ZNF385D: variants seen among roughly 807,000 people sequenced by gnomAD.
ZNF385D encodes zinc finger protein 385D.
In ZNF385D, 15 loss-of-function variants were observed where a neutral mutation model predicts 35.8. The ratio of observed to expected loss-of-function variants is 0.42; its 90% CI spans 0.28 to 0.64. ZNF385D has a LOEUF of 0.64. ZNF385D is among the 30% of genes least tolerant of loss of function. The pLI is 0.23. For missense variants in ZNF385D, 474 were observed against 494.6 expected, an observed-to-expected ratio of 0.96 and a Z score of 0.39; for synonymous variants, 212 against 186.8, an observed-to-expected ratio of 1.13 and a Z score of -1.10.
chr3:21,803,591 C>T (rs75902179), intron 3 of ZNF385D, among the ~76,000 whole-genome samples: 8,507 of 152,130 alleles, frequency 0.056, 555 homozygotes, highest in East Asian at 0.3. Flanking sequence ...GACATGAAAA[C>T]TGGATGAAAT....
At chr3:21,763,548 CTATAATA>C (rs2070709091) in intron 3 of ZNF385D, among the ~76,000 whole-genome samples, 1 of 152,036 alleles carries the variant, frequency 6.6e-6, no homozygotes, top group Admixed American at 6.6e-5. Flanking sequence ...TGCTTTAGGC[CTATAATA>C]TATAACATTA....
chr3:21,835,425 C>A (rs1159301861), intron 3 of ZNF385D, among the ~76,000 whole-genome samples: 1 of 151,804 alleles, frequency 6.6e-6, no homozygotes, highest in East Asian at 1.9e-4. Flanking sequence ...CCAAAATTCT[C>A]CAGTTGGACA....
chr3:21,540,495 A>G (rs2062146925), intron 3 of ZNF385D, among the ~76,000 whole-genome samples: 1 of 152,224 alleles, frequency 6.6e-6, no homozygotes, highest in Non-Finnish European at 1.5e-5. Flanking sequence ...GGTTGGGACG[A>G]AAAAAGTTGA....
chr3:21,601,605 G>A (rs1021912879), intron 2 of ZNF385D, among the ~76,000 whole-genome samples: 1 of 152,142 alleles, frequency 6.6e-6, no homozygotes, highest in Non-Finnish European at 1.5e-5. Flanking sequence ...AATCATCTAA[G>A]GAAAGCAAAT....
chr3:22,080,356 C>A (rs1345238903), intron 3 of ZNF385D, among the ~76,000 whole-genome samples: 2 of 152,082 alleles, frequency 1.3e-5, no homozygotes, highest in Non-Finnish European at 1.5e-5. Context: ...TTTAAACTCA[C>A]ATGCTGAGAA....
chr3:22,338,716 T>G (rs75068696), intron 2 of ZNF385D, among the ~76,000 whole-genome samples: 1 of 149,992 alleles, frequency 6.7e-6, no homozygotes, highest in African/African-American at 2.5e-5. Context: ...TTTTTTTTTT[T>G]TTGAAGTGGA....
chr3:21,769,735 A>T (rs1283072509), intron 3 of ZNF385D, among the ~76,000 whole-genome samples: 3 of 131,598 alleles, frequency 2.3e-5, no homozygotes, highest in Non-Finnish European at 4.8e-5. Context: ...GGAAAAAACT[A>T]CTTTAAAGTT....
chr3:21,934,904 C>A (rs1264034223), intron 3 of ZNF385D, among the ~76,000 whole-genome samples: 3 of 152,196 alleles, frequency 2.0e-5, no homozygotes, highest in Non-Finnish European at 4.4e-5. Context: ...CTCATCTCCA[C>A]TTAAACATAG....
intron 3 of ZNF385D, among the ~76,000 whole-genome samples, chr3:22,113,346 T>C (rs189170204): frequency 1.4e-3 from 218 of 152,204 alleles, no homozygotes; most frequent in Non-Finnish European, 2.7e-3. Context: ...TTCCAGTACC[T>C]AAAAATATCA....
chr3:22,141,022 T>G (rs895047706), intron 3 of ZNF385D, among the ~76,000 whole-genome samples: 1 of 152,222 alleles, frequency 6.6e-6, no homozygotes, highest in Non-Finnish European at 1.5e-5. Flanking sequence ...CCAGGATTCA[T>G]GTCCTGAGCA....
At chr3:21,935,095 C>T (rs1701194709) in intron 3 of ZNF385D, among the ~76,000 whole-genome samples, 1 of 151,978 alleles carries the variant, frequency 6.6e-6, no homozygotes. Flanking sequence ...TAATAAGTCT[C>T]CTTTATGCAT....
chr3:21,584,365 A>T (rs1042262598), intron 2 of ZNF385D, among the ~76,000 whole-genome samples: 1 of 152,182 alleles, frequency 6.6e-6, no homozygotes, highest in East Asian at 1.9e-4. Flanking sequence ...TTTGTCTGTG[A>T]GTGACTTTAA....
chr3:21,569,282 C>T (rs1376551070), intron 2 of ZNF385D, among the ~76,000 whole-genome samples: 10 of 148,904 alleles, frequency 6.7e-5, no homozygotes, highest in Non-Finnish European at 1.5e-4. Flanking sequence ...ATAGTTAGCT[C>T]TTCTTGTTGA....
At chr3:21,488,061 A>G (rs1382168) in intron 4 of ZNF385D, among the ~76,000 whole-genome samples, 8,707 of 152,070 alleles carry the variant, frequency 0.057, 756 homozygotes, top group East Asian at 0.37. Context: ...AATTGAACTT[A>G]CATATTTACA....
At chr3:22,329,759 C>G (rs1167708365) in intron 2 of ZNF385D, among the ~76,000 whole-genome samples, 1 of 151,830 alleles carries the variant, frequency 6.6e-6, no homozygotes, top group Non-Finnish European at 1.5e-5. Flanking sequence ...GGAAGAAGTA[C>G]AAAGAAACAG....
chr3:21,582,257 G>GT (rs2063689168), intron 2 of ZNF385D, among the ~76,000 whole-genome samples: 1 of 152,094 alleles, frequency 6.6e-6, no homozygotes, highest in Non-Finnish European at 1.5e-5. Flanking sequence ...CTGAATCTGG[G>GT]TTTTTTGGTG....
chr3:21,874,671 G>C (rs915683456), intron 3 of ZNF385D, among the ~76,000 whole-genome samples: 2 of 152,020 alleles, frequency 1.3e-5, no homozygotes, highest in Admixed American at 1.3e-4. Context: ...CAGGAAATGT[G>C]AGGTCTCTAG....
In ZNF385D at chr3:22,247,888, C is replaced by G. The variant is rs377634070; in HGVS notation, c.107-78853G>C. ...AAAGTCCTGGGATCATAGGGGTGAG[C>G]CACCACGCCCGGCCTACAATTTTTA... On this transcript the variant is annotated intron_variant, in intron 2 of 5. Transcript: ENST00000494108. Among the ~76,000 whole-genome samples, 3 of 152,178 alleles carry G rather than the reference C, an allele frequency of 2.0e-5. No homozygotes were observed. In the East Asian group the frequency reaches 5.8e-4, roughly 30 times the overall value.
intron 2 of ZNF385D, among the ~76,000 whole-genome samples, chr3:22,248,457 G>A (rs910410756): frequency 1.3e-5 from 2 of 152,150 alleles, no homozygotes; most frequent in African/African-American, 4.8e-5. Flanking sequence ...GCTATAGAGT[G>A]AGGCAGAATA....
Sources: allele counts gnomAD v4.1 joint callset (sites outside exome capture counted in the v4.1 genomes callset), GRCh38; gene constraint gnomAD v4.1.1; transcripts MANE v1.5; gene names NCBI Gene and HGNC (gene_info 2026-07-23, HGNC 2026-07-21).